The following DOCK7 variants were observed in gnomAD, a reference collection of about 807,000 sequenced individuals.
DOCK7 encodes dedicator of cytokinesis 7.
Under a neutral mutation model 271.0 loss-of-function variants are expected in DOCK7, and 138 were observed. The ratio of observed to expected loss-of-function variants is 0.51; its 90% CI spans 0.44 to 0.59. The LOEUF is 0.59. Among genes scored for constraint, DOCK7 ranks in the 20% least tolerant of loss-of-function variants. DOCK7 has a pLI of 0.00. For synonymous variants in DOCK7, 823 were observed against 876.1 expected, an observed-to-expected ratio of 0.94 and a Z score of 1.07; for missense variants, 2,066 against 2,592.4, an observed-to-expected ratio of 0.80 and a Z score of 4.41.
rs541532772 is a variant in DOCK7, at chr1:62,521,190, G to A, written c.3936+6961C>T. The stretch of plus-strand genomic sequence containing the variant: ...GGGGTGCAGCAAACCACCACGGCAT[G>A]TGTATACCTATGTAACAAACCTGCA... On this transcript the variant is annotated intron_variant, in intron 31 of 49. Coordinates refer to ENST00000635253, the MANE Select transcript of DOCK7 (RefSeq NM_001367561.1). 1.8e-4 allele frequency among the ~76,000 whole-genome samples: 27 copies of A among 152,076 alleles called. 1 individual carries two copies. In the East Asian group the frequency reaches 5.0e-3, roughly 28 times the overall value.
At chr1:62,482,995 A>G (rs1408348194) in intron 43 of DOCK7, 1 of 151,940 alleles carries the variant, frequency 6.6e-6, no homozygotes, top group Admixed American at 6.6e-5. Flanking sequence ...TACATAGTAA[A>G]TATTTGCTGT....
At chr1:62,639,426 CTTTTTTTTTTTTTT>C (rs386367151) in intron 7 of DOCK7, among the ~76,000 whole-genome samples, 2 of 75,880 alleles carry the variant, frequency 2.6e-5, no homozygotes, top group Non-Finnish European at 4.9e-5. Context: ...TTGTAATACT[CTTTTTTTTTTTTTT>C]TTTTTTTTTT....
Position 62,492,897 on chromosome 1 carries a change from TA to T in DOCK7, c.5218-51del, listed in dbSNP as rs1646506895. On this transcript the variant is annotated intron_variant, in intron 40 of 49. Coordinates refer to ENST00000635253, the MANE Select transcript of DOCK7 (RefSeq NM_001367561.1). Reference sequence around the variant, plus strand: ...GTTTTTGAAACAGAATTTTCTAGCATAAAAATGTATAAGAAGAAATAACTGA... The same window carrying T: ...GTTTTTGAAACAGAATTTTCTAGCATAAAATGTATAAGAAGAAATAACTGA... The T allele has an allele frequency of 2.1e-6, 3 of 1,462,514 alleles. No individual in the cohort carries two copies. The African/African-American group carries it at 4.3e-5, about 21-fold the overall frequency. The allele number at this position is 1,462,514 out of a possible 1,614,324, so 90.6% of individuals were successfully genotyped here.
chr1:62,553,352 ATATTTTTTTTTTTTTT>A (rs1237394174), intron 21 of DOCK7, among the ~76,000 whole-genome samples: 70 of 9,392 alleles, frequency 7.5e-3, no homozygotes, highest in Non-Finnish European at 8.7e-3. Context: ...ATATATATAT[ATATTTTTTTTTTTTTT>A]TTTTTTTTTT....
intron 6 of DOCK7, 55 bp from the exon 7 acceptor site, chr1:62,647,831 T>A: frequency 7.6e-7 from 1 of 1,315,494 alleles, no homozygotes; most frequent in Non-Finnish European, 1.1e-6. Flanking sequence ...TCCAACTCTT[T>A]ATCTTTTTCA....
At chr1:62,510,455 G>C in intron 34 of DOCK7, 122 bp downstream of exon 34, 2 of 582,262 alleles carry the variant, frequency 3.4e-6, no homozygotes, top group Non-Finnish European at 5.3e-6. Context: ...TGTTCTCTAA[G>C]ACTTAATATA....
At chr1:62,531,743 C>T (rs1557675901) in intron 29 of DOCK7, among the ~76,000 whole-genome samples, 1 of 152,204 alleles carries the variant, frequency 6.6e-6, no homozygotes, top group Non-Finnish European at 1.5e-5. Context: ...CAAGACAATG[C>T]TGCATATAAT....
chr1:62,646,143 G>A (rs552071909), intron 7 of DOCK7, among the ~76,000 whole-genome samples: 1 of 133,966 alleles, frequency 7.5e-6, no homozygotes, highest in Admixed American at 7.9e-5. Flanking sequence ...GCAACAGAGT[G>A]AGACTCCGTC....
In DOCK7 at chr1:62,537,978, A is replaced by C. The variant is rs745834277; in HGVS notation, c.3384T>G (p.His1128Gln). The C allele has an allele frequency of 6.2e-7, 1 of 1,613,966 alleles. No homozygotes were observed. The highest frequency in any genetic ancestry group is 8.5e-7 in the Non-Finnish European group (1 of 1,179,972). The change falls in exon 28 of 50, where the codon CAT becomes CAG. Residue 1128 changes from histidine to glutamine, a missense_variant. Around this residue, in one of 2 missense-constraint regions of DOCK7, gnomAD observed 1,414 missense variants for 1,670.4 expected, o/e 0.85. Transcript: ENST00000635253. ...GTAAGTTTAATGTAACATAGTGCTC[A>C]TGACTGCAGATGATTCGTAGAAAAT... ...RLDFLRIICS[H>Q]EHYVTLNLPC...
At chr1:62,646,992 T>C (rs1264918043) in intron 7 of DOCK7, among the ~76,000 whole-genome samples, 3 of 152,234 alleles carry the variant, frequency 2.0e-5, no homozygotes, top group African/African-American at 7.2e-5. Context: ...GCACTTAATC[T>C]ATCTAACATG....
Position 62,528,257 on chromosome 1 carries a change from T to C in DOCK7, c.3830A>G (p.Tyr1277Cys), listed in dbSNP as rs763107365. The change falls in exon 31 of 50, where the codon TAT becomes TGT. Residue 1277 changes from tyrosine to cysteine, a missense_variant. Tyr to Cys is a radical substitution (Grantham distance 194). Transcript: ENST00000635253. ...GRPICIATDD[Y>C]ESESGSMISQ... is the part of the protein sequence containing the mutation. ...TATCATACTTCCGCTCTCACTTTCATAATCATCAGTGGCTATACAAATTGG... is the reference window on the plus strand; with the variant it reads ...TATCATACTTCCGCTCTCACTTTCACAATCATCAGTGGCTATACAAATTGG... 1 of 1,613,756 alleles carries C rather than the reference T, an allele frequency of 6.2e-7. No individual in the cohort carries two copies. Among genetic ancestry groups the C allele is most frequent in the Admixed American group, 1.7e-5 (1 of 59,972 alleles).
chr1:62,688,077 C>A, intron 1 of DOCK7, 150 bp downstream of exon 1: 2 of 1,047,834 alleles, frequency 1.9e-6, no homozygotes, highest in South Asian at 4.5e-5. Flanking sequence ...CCCTCAGCCA[C>A]CCCGAACCCC....
intron 22 of DOCK7, among the ~76,000 whole-genome samples, chr1:62,551,913 AATCT>A (rs1423552928): frequency 6.6e-6 from 1 of 151,820 alleles, no homozygotes; most frequent in African/African-American, 2.4e-5. Context: ...TTGAGTTTAT[AATCT>A]ATCAAACCTA....
chr1:62,579,694 C>T (rs999162079), intron 16 of DOCK7, among the ~76,000 whole-genome samples: 8 of 75,034 alleles, frequency 1.1e-4, no homozygotes, highest in Admixed American at 1.8e-4. Context: ...AGAGTGAGAC[C>T]GAAAAAAAAA....
chr1:62,662,971 T>C (rs573083348), intron 2 of DOCK7, 54 bp downstream of exon 2: 3 of 1,392,880 alleles, frequency 2.2e-6, no homozygotes, highest in East Asian at 4.6e-5. Flanking sequence ...TATTTTTTCA[T>C]GGCCTAGTCA....
At chr1:62,550,883 G>T (rs1346382137) in intron 22 of DOCK7, among the ~76,000 whole-genome samples, 3 of 151,976 alleles carry the variant, frequency 2.0e-5, no homozygotes, top group Non-Finnish European at 4.4e-5. Flanking sequence ...GCCGTGCCTG[G>T]CTAATTTTTG....
intron 12 of DOCK7, among the ~76,000 whole-genome samples, chr1:62,622,524 G>A (rs1422118439): frequency 3.9e-5 from 6 of 151,952 alleles, no homozygotes; most frequent in Non-Finnish European, 7.4e-5. Flanking sequence ...CATTATAATT[G>A]CTCACTGCAG....
intron 4 of DOCK7, among the ~76,000 whole-genome samples, chr1:62,651,027 A>G (rs1456289042): frequency 6.6e-6 from 1 of 152,090 alleles, no homozygotes; most frequent in African/African-American, 2.4e-5. Context: ...TCACAATAGC[A>G]AAGACTTGGA....
chr1:62,517,551 C>A (rs898757071), intron 31 of DOCK7, among the ~76,000 whole-genome samples: 1 of 152,180 alleles, frequency 6.6e-6, no homozygotes, highest in Non-Finnish European at 1.5e-5. Context: ...GCCGAGATTG[C>A]GCCATTGCAC....
Sources: gnomAD v4.1 joint callset for allele counts (sites outside exome capture counted in the v4.1 genomes callset) on GRCh38, gnomAD v4.1.1 for gene constraint, gnomAD v4.1.1 regional missense constraint, MANE v1.5 for transcripts, NCBI Gene and HGNC (gene_info 2026-07-23, HGNC 2026-07-21) for gene names.